ZMYND11: variants seen among roughly 807,000 people sequenced by gnomAD.
ZMYND11 encodes zinc finger MYND-type containing 11, also known as zinc finger MYND domain-containing protein 11.
ZMYND11 carries 9 observed loss-of-function variants against 84.9 expected under a neutral mutation model. The ratio of observed to expected loss-of-function variants is 0.11; its 90% CI spans 0.06 to 0.18. The LOEUF (loss-of-function observed/expected upper bound fraction) is 0.18, where lower values mean the gene tolerates loss of function less well. Among genes scored for constraint, ZMYND11 ranks in the 10% least tolerant of loss-of-function variants. ZMYND11 has a pLI of 1.00. For missense variants in ZMYND11, 409 were observed against 761.0 expected (o/e 0.54, Z 5.44); for synonymous variants, 250 against 244.1 (o/e 1.02, Z -0.23).
chr10:138,008 TTAAA>T (rs1456040973), intron 1 of ZMYND11, among the ~76,000 whole-genome samples: 3 of 152,166 alleles, frequency 2.0e-5, no homozygotes, highest in Non-Finnish European at 2.9e-5. Flanking sequence ...TGTGAGGTGT[TTAAA>T]TAAATGTACA....
intron 1 of ZMYND11, among the ~76,000 whole-genome samples, chr10:177,740 T>C (rs1846970121): frequency 6.6e-6 from 1 of 152,146 alleles, no homozygotes; most frequent in African/African-American, 2.4e-5. Context: ...TGAAAAAAAA[T>C]TTACAAGTTG....
chr10:219,741 T>G (rs546974305), intron 3 of ZMYND11, among the ~76,000 whole-genome samples: 38 of 152,212 alleles, frequency 2.5e-4, no homozygotes, highest in Admixed American at 5.9e-4. Flanking sequence ...TATGTAAAAA[T>G]CAGTATTTTA....
intron 1 of ZMYND11, among the ~76,000 whole-genome samples, chr10:170,104 A>T (rs1554765214): frequency 6.6e-6 from 1 of 152,130 alleles, no homozygotes; most frequent in Non-Finnish European, 1.5e-5. Context: ...AAACCATGCA[A>T]GCAGGACGAG....
At chr10:238,600 C>T (rs960548580) in intron 6 of ZMYND11, among the ~76,000 whole-genome samples, 2 of 152,158 alleles carry the variant, frequency 1.3e-5, no homozygotes, top group African/African-American at 4.8e-5. Context: ...TCGTGATCTG[C>T]CCGCCTCGGC....
At chr10:230,377 G>A (rs1474508095) in intron 4 of ZMYND11, among the ~76,000 whole-genome samples, 5 of 149,684 alleles carry the variant, frequency 3.3e-5, no homozygotes. Flanking sequence ...GGAGGCTGAG[G>A]CAGAAAGATT....
At chr10:140,864 A>G (rs75814629) in intron 1 of ZMYND11, among the ~76,000 whole-genome samples, 1 of 152,250 alleles carries the variant, frequency 6.6e-6, no homozygotes, top group Non-Finnish European at 1.5e-5. Context: ...AACATCTGCA[A>G]ATGTCCAGAG....
At chr10:248,280 G>T in intron 12 of ZMYND11, 56 bp from the exon 13 acceptor site, 1 of 1,571,830 alleles carries the variant, frequency 6.4e-7, no homozygotes, top group South Asian at 1.2e-5. Flanking sequence ...GGTAGTTCTT[G>T]AACTGGTGAA....
upstream of ZMYND11, chr10:135,300 G>C (rs1835655236): frequency 6.6e-6 from 1 of 151,100 alleles, no homozygotes; most frequent in Non-Finnish European, 1.5e-5. This position sits in a 1 kb window ranked among gnomAD's most constrained non-coding sequence, Gnocchi z 5.6. Flanking sequence ...GGCGTTCTCT[G>C]AGGTGGAGTA....
chr10:249,448 A>G, intron 14 of ZMYND11: 5 of 985,266 alleles, frequency 5.1e-6, no homozygotes, highest in Non-Finnish European at 6.0e-6. Flanking sequence ...CCAAATGGTG[A>G]AATTATAAAT....
chr10:243,187 A>G (rs1409276805), intron 10 of ZMYND11, among the ~76,000 whole-genome samples: 1 of 152,184 alleles, frequency 6.6e-6, no homozygotes, highest in Non-Finnish European at 1.5e-5. Context: ...TTAGCAAAAT[A>G]AAGGCCTCAT....
chr10:192,723 T>C (rs931946509), intron 2 of ZMYND11, among the ~76,000 whole-genome samples: 1 of 152,238 alleles, frequency 6.6e-6, no homozygotes, highest in African/African-American at 2.4e-5. Flanking sequence ...CTGCATTTGC[T>C]TAGTGCTGTT....
intron 3 of ZMYND11, among the ~76,000 whole-genome samples, chr10:215,924 T>C (rs1027485912): frequency 1.3e-5 from 2 of 152,296 alleles, no homozygotes; most frequent in African/African-American, 4.8e-5. Context: ...TTGACACATA[T>C]TAAAACAGCA....
At chr10:229,940 T>TA (rs959824194) in intron 4 of ZMYND11, among the ~76,000 whole-genome samples, 3 of 152,192 alleles carry the variant, frequency 2.0e-5, no homozygotes, top group Non-Finnish European at 4.4e-5. Flanking sequence ...AATAAATTTT[T>TA]AAAAAGCTCC....
intron 1 of ZMYND11, among the ~76,000 whole-genome samples, chr10:168,838 G>A (rs1325983949): frequency 1.3e-5 from 2 of 152,262 alleles, no homozygotes; most frequent in Admixed American, 1.3e-4. Flanking sequence ...CAGTGCTGGA[G>A]TAGGAAAGGC....
chr10:241,263 C>T (rs1008642240), intron 9 of ZMYND11, among the ~76,000 whole-genome samples: 2 of 152,126 alleles, frequency 1.3e-5, no homozygotes, highest in Admixed American at 6.5e-5. Context: ...GTAGCCTTGA[C>T]CTCCTCCAGG....
chr10:198,775 G>C (rs1942394875), intron 2 of ZMYND11, among the ~76,000 whole-genome samples: 1 of 152,190 alleles, frequency 6.6e-6, no homozygotes, highest in Non-Finnish European at 1.5e-5. Context: ...CAACTCCCAT[G>C]TGAGTGTTTT....
rs200613602 is a variant in ZMYND11 at position 247,354 on chromosome 10, T to A, written c.1159-44T>A. On this transcript the variant is annotated intron_variant, in intron 11 of 14. Coordinates refer to ENST00000381604, the MANE Select transcript of ZMYND11 (RefSeq NM_001370100.5). Reference sequence around the variant, plus strand: ...ATGAGTGTTTTCAGCAGAGAAGTATTTTCTAGTGTCTGGAATAATATATTA... The same window carrying A: ...ATGAGTGTTTTCAGCAGAGAAGTATATTCTAGTGTCTGGAATAATATATTA... 1,123 of 1,604,858 alleles carry A rather than the reference T, an allele frequency of 7.0e-4. 2 individuals carry two copies. Among genetic ancestry groups the A allele is most frequent in the Non-Finnish European group, 8.7e-4 (1,023 of 1,172,896 alleles).
chr10:160,341 AAT>A (rs1194650017), intron 1 of ZMYND11, among the ~76,000 whole-genome samples: 1 of 152,244 alleles, frequency 6.6e-6, no homozygotes, highest in African/African-American at 2.4e-5. Flanking sequence ...TATTGCTAAA[AAT>A]GTTAACAATC....
At chr10:132,784 GCT>G (rs1554750147), upstream of ZMYND11, among the ~76,000 whole-genome samples, 2 of 152,174 alleles carry the variant, frequency 1.3e-5, no homozygotes, top group Non-Finnish European at 2.9e-5. Flanking sequence ...ATAGAGCAGT[GCT>G]GTCTGATTGG....
Sources: allele counts gnomAD v4.1 joint callset (sites outside exome capture counted in the v4.1 genomes callset), GRCh38; gene constraint gnomAD v4.1.1; non-coding constraint Gnocchi (gnomAD v3.1); transcripts MANE v1.5; gene names NCBI Gene and HGNC (gene_info 2026-07-23, HGNC 2026-07-21).